PPAT: variants seen among roughly 807,000 people sequenced by gnomAD.
PPAT encodes the protein amidophosphoribosyltransferase.
PPAT carries 20 observed loss-of-function variants against 60.2 expected under a neutral mutation model. That is an observed-to-expected ratio of 0.33 (90% confidence interval 0.23 to 0.48). The LOEUF is 0.48. PPAT is among the 20% of genes least tolerant of loss of function. The pLI, the probability that PPAT is intolerant of heterozygous loss-of-function variation, is 0.99. For missense variants in PPAT, 349 were observed against 629.6 expected, an observed-to-expected ratio of 0.55 and a Z score of 4.77; for synonymous variants, 194 against 215.1, an observed-to-expected ratio of 0.90 and a Z score of 0.86.
At chr4:56,418,927 A>ACATTTC (rs1464865605) in intron 1 of PPAT, among the ~76,000 whole-genome samples, 1 of 152,240 alleles carries the variant, frequency 6.6e-6, no homozygotes, top group Admixed American at 6.5e-5. Flanking sequence ...AATTTCTGAC[A>ACATTTC]CATTTCCCTA....
At chr4:56,401,805 C>T (rs1387116522) in intron 6 of PPAT, among the ~76,000 whole-genome samples, 1 of 152,052 alleles carries the variant, frequency 6.6e-6, no homozygotes, top group Non-Finnish European at 1.5e-5. Context: ...TGAGGAAGTT[C>T]TTCCTTTCTA....
chr4:56,404,670 C>A (rs1240489333), intron 3 of PPAT, among the ~76,000 whole-genome samples: 1 of 143,122 alleles, frequency 7.0e-6, no homozygotes, highest in African/African-American at 2.6e-5. Flanking sequence ...CATATTTATA[C>A]TTTCATGATT....
intron 1 of PPAT, chr4:56,410,909 A>T: frequency 2.4e-6 from 2 of 824,172 alleles, no homozygotes; most frequent in Non-Finnish European, 1.5e-6. Context: ...TAAAAAAAAA[A>T]AAAAAAAAAA....
In PPAT at chr4:56,403,349, G is replaced by A. The variant is rs1341715503; in HGVS notation, c.455C>T (p.Thr152Ile). The A allele has an allele frequency of 6.2e-7, 1 of 1,613,908 alleles. No individual in the cohort carries two copies. Among genetic ancestry groups the A allele is most frequent in the Non-Finnish European group, 8.5e-7 (1 of 1,179,948 alleles). The change falls in exon 4 of 11, where the codon ACC (threonine) becomes ATC (isoleucine). Residue 152 changes from threonine (T) to isoleucine (I), a missense_variant. By Grantham distance (89) the Thr-to-Ile change is moderately conservative. Coordinates refer to ENST00000264220, the MANE Select transcript of PPAT (RefSeq NM_002703.5). The stretch of plus-strand genomic sequence containing the variant: ...AGGAGGGGTATACGCCAGTAACTGG[G>A]TAATCATTTCACTATCAGAACTTGT... The part of the protein sequence containing the change: ...LSTSSDSEMI[T>I]QLLAYTPPQE...
In PPAT at chr4:56,395,458, T is replaced by C. The variant is rs758522806; in HGVS notation, c.1448A>G (p.His483Arg). 2 of 1,612,396 alleles carry C rather than the reference T, an allele frequency of 1.2e-6. No individual in the cohort carries two copies. The highest frequency in any genetic ancestry group is 3.3e-5 in the Admixed American group (2 of 59,856). The change falls in exon 11 of 11, where the codon CAC becomes CGC. Residue 483 changes from histidine (H) to arginine (R), a missense_variant. By Grantham distance (29) the His-to-Arg change is conservative. This residue lies in a region of PPAT where 167 missense variants were observed against 328.6 expected (regional missense o/e 0.51). Transcript: ENST00000264220. ...IKFKKQKEKK[H>R]DIMIQENGNG... Reference sequence around the variant, plus strand: ...TCCATTTTCTTGGATCATAATATCGTGCTTTTTCTCTTTCTGTTTTTTAAA... The same window carrying C: ...TCCATTTTCTTGGATCATAATATCGCGCTTTTTCTCTTTCTGTTTTTTAAA...
intron 1 of PPAT, 68 bp downstream of exon 1, chr4:56,435,282 G>A (rs1282145842): frequency 8.1e-6 from 13 of 1,599,328 alleles, no homozygotes; most frequent in Non-Finnish European, 1.1e-5. Flanking sequence ...TCATGAGAAC[G>A]CCGACTGCGG....
chr4:56,419,556 T>A, intron 1 of PPAT: 2 of 487,012 alleles, frequency 4.1e-6, no homozygotes, highest in Non-Finnish European at 5.3e-6. Flanking sequence ...TGCATCCAAT[T>A]ATTTACCTTG....
At chr4:56,409,109 G>A (rs906195861) in intron 1 of PPAT, among the ~76,000 whole-genome samples, 3 of 152,126 alleles carry the variant, frequency 2.0e-5, no homozygotes, top group Admixed American at 1.3e-4. Context: ...TATTTAGGTC[G>A]ATAGCATGCG....
At chr4:56,426,995 A>G (rs530108005) in intron 1 of PPAT, among the ~76,000 whole-genome samples, 1 of 152,146 alleles carries the variant, frequency 6.6e-6, no homozygotes, top group Non-Finnish European at 1.5e-5. Context: ...GGAATCATAC[A>G]ATATTCGTCC....
rs1715945420 is a variant in PPAT, at chr4:56,395,421, T to G, written c.1485A>C (p.Glu495Asp). 5 of 1,611,116 alleles carry G rather than the reference T, an allele frequency of 3.1e-6. No homozygotes were observed. Among genetic ancestry groups the G allele is most frequent in the South Asian group, 1.1e-5 (1 of 90,716 alleles). ...TACAATGACCACTCTTTTCAAAACA[T>G]TCCAGACCATTTCCATTTTCTTGGA... The part of the protein sequence containing the change: ...IMIQENGNGL[E>D]CFEKSGHCTA... The change falls in exon 11 of 11, where the codon GAA becomes GAC. Residue 495 changes from glutamate to aspartate, a missense_variant. Glu to Asp is a conservative substitution (Grantham distance 45). Coordinates refer to ENST00000264220, the MANE Select transcript of PPAT (RefSeq NM_002703.5).
intron 1 of PPAT, among the ~76,000 whole-genome samples, chr4:56,432,384 TGA>T (rs1378921075): frequency 2.0e-5 from 3 of 151,776 alleles, no homozygotes; most frequent in African/African-American, 7.3e-5. Context: ...AAAAATTACC[TGA>T]GTGTGGTGGC....
intron 5 of PPAT, among the ~76,000 whole-genome samples, chr4:56,402,457 T>C (rs1357040856): frequency 6.6e-6 from 1 of 152,074 alleles, no homozygotes. Context: ...ATGAAAAAGC[T>C]AGGCAAAGGA....
At chr4:56,415,915 CAA>C (rs1716705768) in intron 1 of PPAT, among the ~76,000 whole-genome samples, 1 of 151,874 alleles carries the variant, frequency 6.6e-6, no homozygotes, top group Admixed American at 6.6e-5. Context: ...ACTAAAAATC[CAA>C]AAATTAGCCG....
chr4:56,429,512 T>C (rs759840468), intron 1 of PPAT, among the ~76,000 whole-genome samples: 68 of 152,140 alleles, frequency 4.5e-4, no homozygotes, highest in Non-Finnish European at 8.1e-4. Flanking sequence ...CAATATAGCA[T>C]GTAGAAGAAA....
intron 1 of PPAT, among the ~76,000 whole-genome samples, chr4:56,409,852 A>G (rs1389239482): frequency 1.3e-5 from 2 of 152,242 alleles, no homozygotes; most frequent in Non-Finnish European, 2.9e-5. Flanking sequence ...TCAAAATTAT[A>G]TATTGCAATT....
Position 56,401,378 on chromosome 4 carries a change from A to C in PPAT, c.838T>G (p.Cys280Gly). The stretch of plus-strand genomic sequence containing the variant: ...GCAAAATAAACATATTCAAAGATAC[A>C]AAAAGCCACTGGGTTTCCTTCAGAC... ...SRSEGNPVAF[C>G]IFEYVYFARP... The change falls in exon 7 of 11, where the codon TGT becomes GGT. Residue 280 changes from cysteine (C) to glycine (G), a missense_variant. Cys to Gly is a radical substitution (Grantham distance 159, BLOSUM62 -3). This residue lies in a region of PPAT where 167 missense variants were observed against 328.6 expected (regional missense o/e 0.51). Coordinates refer to ENST00000264220, the MANE Select transcript of PPAT (RefSeq NM_002703.5). 1 of 1,607,530 alleles carries C rather than the reference A, an allele frequency of 6.2e-7. No individual in the cohort carries two copies. Among genetic ancestry groups the C allele is most frequent in the Non-Finnish European group, 8.5e-7 (1 of 1,177,482 alleles).
rs776933893 is a variant in PPAT, at chr4:56,395,334, C to G, written c.*18G>C. The G allele has an allele frequency of 3.8e-6, 6 of 1,571,506 alleles. No individual in the cohort carries two copies. The highest frequency in any genetic ancestry group is 5.2e-6 in the Non-Finnish European group (6 of 1,156,334). ...ACCAACTTTCTATCTTGAAACTACA[C>G]ACATCCAACCCTACCAGCTACCATT... is the stretch of plus-strand genomic sequence containing the variant. On this transcript the variant is annotated 3_prime_UTR_variant, in exon 11 of 11. Coordinates refer to ENST00000264220, the MANE Select transcript of PPAT (RefSeq NM_002703.5).
Position 56,395,394 on chromosome 4 carries a change from T to C in PPAT, c.1512A>G (p.Thr504=). 1 of 1,610,858 alleles carries C rather than the reference T, an allele frequency of 6.2e-7. No individual in the cohort carries two copies. The highest frequency in any genetic ancestry group is 8.5e-7 in the Non-Finnish European group (1 of 1,177,792). The stretch of plus-strand genomic sequence containing the variant: ...CAGGATATTTTCCAGTGAGACAAGC[T>C]GTACAATGACCACTCTTTTCAAAAC... The part of the protein sequence containing the change: ...LECFEKSGHC[T]ACLTGKYPVE... The change falls in exon 11 of 11, where the codon ACA becomes ACG. Residue 504 remains threonine, a synonymous_variant. Transcript: ENST00000264220.
At chr4:56,416,069 C>CAA (rs34117895) in intron 1 of PPAT, among the ~76,000 whole-genome samples, 23 of 139,450 alleles carry the variant, frequency 1.6e-4, no homozygotes, top group Non-Finnish European at 2.8e-4. Flanking sequence ...GACTCTGTCT[C>CAA]AAAAAAAAAA....
Sources: allele counts gnomAD v4.1 joint callset (sites outside exome capture counted in the v4.1 genomes callset), GRCh38; gene constraint gnomAD v4.1.1; regional missense constraint gnomAD v4.1.1; transcripts MANE v1.5; gene names NCBI Gene and HGNC (gene_info 2026-07-23, HGNC 2026-07-21).